Variants in RACGAP1 observed in about 807,000 individuals in gnomAD.
RACGAP1 encodes Rac GTPase activating protein 1, also known as rac GTPase-activating protein 1.
In RACGAP1, 30 loss-of-function variants were observed where a neutral mutation model predicts 78.1. The observed-to-expected ratio is 0.38, with a 90% CI of 0.29 to 0.52. The LOEUF (loss-of-function observed/expected upper bound fraction) is 0.52, where lower values mean the gene tolerates loss of function less well. Among genes scored for constraint, RACGAP1 ranks in the 20% least tolerant of loss-of-function variants. RACGAP1 has a pLI of 0.82. For synonymous variants in RACGAP1, 231 were observed against 264.8 expected (o/e 0.87, Z 1.24); for missense variants, 587 against 777.1 (o/e 0.76, Z 2.91).
chr12:49,996,928 T>G, intron 10 of RACGAP1, 112 bp downstream of exon 10: 1 of 1,358,826 alleles, frequency 7.4e-7, no homozygotes, highest in East Asian at 2.6e-5. Context: ...TAGTCATTAT[T>G]TGTGGAAAGA....
intron 2 of RACGAP1, among the ~76,000 whole-genome samples, chr12:50,009,242 C>T (rs1458848145): frequency 1.5e-5 from 1 of 65,260 alleles, no homozygotes; most frequent in Admixed American, 1.6e-4. Flanking sequence ...GATGCTGTCT[C>T]AAAAAAAAAA....
intron 7 of RACGAP1, among the ~76,000 whole-genome samples, chr12:50,000,903 C>G (rs1214478617): frequency 1.3e-5 from 2 of 152,100 alleles, no homozygotes; most frequent in Admixed American, 1.3e-4. Context: ...CAAAAATTAG[C>G]CAGACGTGGT....
intron 2 of RACGAP1, among the ~76,000 whole-genome samples, chr12:50,030,714 AAT>A (rs1282124671): frequency 6.6e-6 from 1 of 152,028 alleles, no homozygotes; most frequent in African/African-American, 2.4e-5. Context: ...CAAAAACCAT[AAT>A]ATATATACAT....
At chr12:50,028,521 C>A (rs148879408), upstream of RACGAP1, among the ~76,000 whole-genome samples, 108 of 152,336 alleles carry the variant, frequency 7.1e-4, 2 homozygotes, top group East Asian at 0.019. Context: ...GTAATCCCAG[C>A]CCTTTGGGAG....
intron 2 of RACGAP1, among the ~76,000 whole-genome samples, chr12:50,014,785 G>A (rs1473784482): frequency 1.3e-5 from 2 of 151,732 alleles, no homozygotes; most frequent in East Asian, 3.9e-4. Context: ...GCTCATACCT[G>A]TAATCCCAGC....
intron 2 of RACGAP1, among the ~76,000 whole-genome samples, chr12:50,014,056 G>A (rs1565693626): frequency 6.6e-6 from 1 of 152,122 alleles, no homozygotes; most frequent in South Asian, 2.1e-4. Context: ...TGTTTTGAAA[G>A]GCCTGTAAGT....
intron 5 of RACGAP1, among the ~76,000 whole-genome samples, 166 bp downstream of exon 5, chr12:50,004,069 T>C (rs1418966122): frequency 6.6e-6 from 1 of 152,248 alleles, no homozygotes; most frequent in Non-Finnish European, 1.5e-5. Flanking sequence ...AGCCAGCCTC[T>C]TATAGCTCAT....
In RACGAP1 at chr12:49,992,192, T is replaced by C. The variant is rs1947934213; in HGVS notation, c.1578+53A>G. The stretch of plus-strand genomic sequence containing the variant: ...AAGCTCAGGGCTTCTCAACTGTCTT[T>C]CAAGTTATCACATTACACAAGTTCA... On this transcript the variant is annotated intron_variant, in intron 14 of 16. Coordinates refer to ENST00000312377, the MANE Select transcript of RACGAP1 (RefSeq NM_001319999.2). 5 of 1,612,400 alleles carry C rather than the reference T, an allele frequency of 3.1e-6. No individual in the cohort carries two copies. In the South Asian group the frequency reaches 4.4e-5, roughly 14 times the overall value.
chr12:49,999,362 A>C (rs1948507493), intron 8 of RACGAP1, 91 bp from the exon 9 acceptor site: 51 of 1,457,564 alleles, frequency 3.5e-5, no homozygotes, highest in Non-Finnish European at 4.7e-5. Flanking sequence ...ATAAACAGTA[A>C]TCTGTTATCA....
chr12:50,032,513 A>T (rs1475785748), intron 1 of RACGAP1, among the ~76,000 whole-genome samples: 3 of 150,068 alleles, frequency 2.0e-5, no homozygotes, highest in Non-Finnish European at 4.4e-5. Context: ...CGCCCCAGCG[A>T]GAAGGCAGCA....
At chr12:50,025,712 A>G (rs759829627), upstream of RACGAP1, among the ~76,000 whole-genome samples, 8 of 152,018 alleles carry the variant, frequency 5.3e-5, no homozygotes, top group East Asian at 7.7e-4. Context: ...TCAGGATGCC[A>G]TATTGACTAA....
chr12:50,021,166 C>T (rs1178799717), intron 1 of RACGAP1: 1 of 964,518 alleles, frequency 1.0e-6, no homozygotes, highest in East Asian at 1.1e-4. Flanking sequence ...TAGTCCATAG[C>T]TAGGAGATAC....
intron 9 of RACGAP1, among the ~76,000 whole-genome samples, chr12:49,997,798 G>A (rs1016873618): frequency 2.0e-5 from 3 of 150,132 alleles, no homozygotes; most frequent in Middle Eastern, 3.7e-3. Flanking sequence ...GGCTGGTCTC[G>A]AACTCCCGAC....
chr12:50,004,250 C>T lies in RACGAP1; in HGVS notation c.480G>A (p.Lys160=). The part of the protein sequence containing the change: ...GSILSDISFD[K]TDESLDWDSS... ...TGTTTATTACCAGTGATTCATCAGT[C>T]TTGTCAAAGCTGATATCTGATAAAA... Residue 160 remains lysine (K), a synonymous_variant, in exon 5 of 17, where the codon AAG becomes AAA. Transcript: ENST00000312377. 1 of 1,605,618 alleles carries T rather than the reference C, an allele frequency of 6.2e-7. No homozygotes were observed. The highest frequency in any genetic ancestry group is 8.5e-7 in the Non-Finnish European group (1 of 1,173,174).
At chr12:50,014,899 C>T (rs998595405) in intron 2 of RACGAP1, among the ~76,000 whole-genome samples, 5 of 151,766 alleles carry the variant, frequency 3.3e-5, no homozygotes, top group East Asian at 3.9e-4. Flanking sequence ...AAAAATTAGC[C>T]GAGTGTGGTG....
chr12:50,031,760 A>G lies in RACGAP1; in HGVS notation c.-87T>C, dbSNP rs1950338174. 1.0e-5 allele frequency: 10 copies of G among 985,372 alleles called. No individual in the cohort carries two copies. In the Admixed American group the frequency reaches 3.1e-4, roughly 30 times the overall value. The allele number at this position is 985,372 out of a possible 1,614,324, so 61.0% of individuals were successfully genotyped here. A position where few individuals can be genotyped will look rare whatever the true frequency, so the allele number is the denominator to read the frequency against. On this transcript the variant is annotated 5_prime_UTR_variant, in exon 2 of 4. Transcript: ENST00000548247. ...CCGTGCCTTTGGCATAAACTCCCGC[A>G]GCACTGTGTTCTCTCCCTTTCATAC... is the stretch of plus-strand genomic sequence containing the variant.
chr12:50,029,737 C>T (rs76609411), upstream of RACGAP1, among the ~76,000 whole-genome samples: 16,171 of 150,640 alleles, frequency 0.11, 1,091 homozygotes, highest in South Asian at 0.29. Flanking sequence ...ACTAAAAATA[C>T]AAAAAATTAG....
At chr12:49,996,251 C>T (rs759390273) in intron 10 of RACGAP1, among the ~76,000 whole-genome samples, 8 of 151,378 alleles carry the variant, frequency 5.3e-5, no homozygotes, top group Non-Finnish European at 1.0e-4. Context: ...GAGACAGAGG[C>T]TGCAGTGAGC....
intron 10 of RACGAP1, 55 bp downstream of exon 10, chr12:49,996,985 C>A: frequency 7.1e-7 from 1 of 1,410,046 alleles, no homozygotes; most frequent in South Asian, 1.8e-5. Flanking sequence ...GACACTAAGC[C>A]TTTGAAAGGC....
Sources: gnomAD v4.1 joint callset for allele counts (sites outside exome capture counted in the v4.1 genomes callset) on GRCh38, gnomAD v4.1.1 for gene constraint, MANE v1.5 for transcripts, NCBI Gene and HGNC (gene_info 2026-07-23, HGNC 2026-07-21) for gene names.